Variants in KCNQ1 observed in about 807,000 individuals in gnomAD.
KCNQ1 encodes the protein potassium voltage-gated channel subfamily KQT member 1.
A neutral mutation model predicts 72.4 loss-of-function variants in KCNQ1; 49 were observed. The observed-to-expected ratio is 0.68, with a 90% confidence interval of 0.54 to 0.86. The LOEUF (loss-of-function observed/expected upper bound fraction) is 0.86, where lower values mean the gene tolerates loss of function less well. KCNQ1 is among the 40% of genes least tolerant of loss of function. KCNQ1 has a pLI of 0.00. For missense variants in KCNQ1, 790 were observed against 945.1 expected (o/e 0.84, Z 2.15); for synonymous variants, 450 against 412.6 (o/e 1.09, Z -1.10).
rs1272809837 is a variant in KCNQ1, at chr11:2,477,107, A to G, written c.386+31623A>G. On this transcript the variant is annotated intron_variant, in intron 1 of 15. Coordinates refer to ENST00000155840, the MANE Select transcript of KCNQ1 (RefSeq NM_000218.3). This position sits in a 1 kb window ranked among gnomAD's most constrained non-coding sequence, Gnocchi z 5.0. ...TCAAAATTAGGAAGAAGTGGAGACA[A>G]TCTCAGTATGTGTGAGATGAATCTG... Among the ~76,000 whole-genome samples, 1 of 152,208 alleles carries G rather than the reference A, an allele frequency of 6.6e-6. No homozygotes were observed. Among genetic ancestry groups the G allele is most frequent in the African/African-American group, 2.4e-5 (1 of 41,450 alleles).
intron 1 of KCNQ1, among the ~76,000 whole-genome samples, chr11:2,506,224 ATTGAG>A (rs1402415581): frequency 6.6e-6 from 1 of 152,096 alleles, no homozygotes; most frequent in Non-Finnish European, 1.5e-5. Context: ...TTTGACCCAT[ATTGAG>A]TTAATTTTTT....
At chr11:2,459,858 C>T (rs1201547376) in intron 1 of KCNQ1, among the ~76,000 whole-genome samples, 1 of 152,116 alleles carries the variant, frequency 6.6e-6, no homozygotes, top group African/African-American at 2.4e-5. Flanking sequence ...AAACCTGCGG[C>T]TGGGTCAGAG....
At position 2,830,223 on chromosome 11, in the gene KCNQ1, G is replaced by A. The variant is rs1445664149; in HGVS notation, c.1795-17544G>A. Among the ~76,000 whole-genome samples the A allele has an allele frequency of 6.6e-6, 1 of 152,084 alleles. No individual in the cohort carries two copies. Among genetic ancestry groups the A allele is most frequent in the Non-Finnish European group, 1.5e-5 (1 of 67,992 alleles). The stretch of plus-strand genomic sequence containing the variant: ...AGGACTGGCTGGGTGCTACGCAGGA[G>A]CCCTCTGACTAGCTGGGGCTGGGGC... On this transcript the variant is annotated intron_variant, in intron 15 of 15. Coordinates refer to ENST00000155840, the MANE Select transcript of KCNQ1 (RefSeq NM_000218.3). The surrounding 1 kb of genome is among the most constrained non-coding windows in gnomAD (Gnocchi z 7.7).
At chr11:2,836,387 G>A (rs565264568) in intron 15 of KCNQ1, among the ~76,000 whole-genome samples, 169 of 152,266 alleles carry the variant, frequency 1.1e-3, no homozygotes, top group African/African-American at 3.8e-3. Context: ...TGACGTTTCA[G>A]GCCGGAGGTA....
At chr11:2,490,855 AT>A (rs1284515797) in intron 1 of KCNQ1, among the ~76,000 whole-genome samples, 1 of 152,002 alleles carries the variant, frequency 6.6e-6, no homozygotes, top group Admixed American at 6.6e-5. Flanking sequence ...TGCCTGGCTA[AT>A]TTTTGTTTGT....
At chr11:2,837,413 AG>A (rs1848094099) in intron 15 of KCNQ1, among the ~76,000 whole-genome samples, 1 of 152,126 alleles carries the variant, frequency 6.6e-6, no homozygotes, top group South Asian at 2.1e-4. Flanking sequence ...CTCCGTTCCC[AG>A]ACACGCCCGG....
intron 1 of KCNQ1, among the ~76,000 whole-genome samples, chr11:2,525,566 C>T (rs1847484546): frequency 6.6e-6 from 1 of 152,192 alleles, no homozygotes; most frequent in Non-Finnish European, 1.5e-5. Flanking sequence ...GTGCAGAGAG[C>T]GTCCCTGGCT....
chr11:2,845,313 G>A (rs1848303766), intron 15 of KCNQ1, among the ~76,000 whole-genome samples: 1 of 152,212 alleles, frequency 6.6e-6, no homozygotes, highest in Non-Finnish European at 1.5e-5. Context: ...GGTGGGAGCT[G>A]TGGGGACAGG....
chr11:2,715,324 A>T lies in KCNQ1; in HGVS notation c.1514+53243A>T, dbSNP rs1039373033. On this transcript the variant is annotated intron_variant, in intron 11 of 15. Transcript: ENST00000155840. The surrounding 1 kb of genome is among the most constrained non-coding windows in gnomAD (Gnocchi z 4.9). ...CCTGTAAAGACCTGCGGGCTGTGTC[A>T]TGGAGGGCCCTTACCCCGGAGGAGC... Among the ~76,000 whole-genome samples, 10 of 152,104 alleles carry T rather than the reference A, an allele frequency of 6.6e-5. No homozygotes were observed. Among genetic ancestry groups the T allele is most frequent in the African/African-American group, 2.2e-4 (9 of 41,404 alleles).
intron 1 of KCNQ1, among the ~76,000 whole-genome samples, chr11:2,514,820 C>T (rs1428842412): frequency 1.3e-5 from 2 of 152,188 alleles, no homozygotes; most frequent in African/African-American, 4.8e-5. Flanking sequence ...AGCCAGACTC[C>T]GTCTCGAAAA....
chr11:2,610,687 A>G, intron 10 of KCNQ1: 1 of 381,738 alleles, frequency 2.6e-6, no homozygotes, highest in Non-Finnish European at 4.5e-6. Flanking sequence ...TTTGAAAGAA[A>G]CTTTTCTGGA....
At position 2,624,639 on chromosome 11, in the gene KCNQ1, A is replaced by G. The variant is rs1849233608; in HGVS notation, c.1393+35785A>G. On this transcript the variant is annotated intron_variant, in intron 10 of 15. Transcript: ENST00000155840. The surrounding 1 kb of genome is among the most constrained non-coding windows in gnomAD (Gnocchi z 4.9). ...TAGTGTACAATTCAGTGAATGTATT[A>G]GATACGTTCACAATGCTGTGCAATC... 4 of 398,590 alleles carry G rather than the reference A, an allele frequency of 1.0e-5. No individual in the cohort carries two copies. The highest frequency in any genetic ancestry group is 8.2e-5 in the African/African-American group (4 of 48,762). The allele number at this position is 398,590 out of a possible 1,614,324, so 24.7% of individuals were successfully genotyped here. A position where few individuals can be genotyped will look rare whatever the true frequency, so the allele number is the denominator to read the frequency against.
Position 2,610,772 on chromosome 11 carries a change from C to G in KCNQ1, c.1393+21918C>G, listed in dbSNP as rs1042577559. 35 of 343,658 alleles carry G rather than the reference C, an allele frequency of 1.0e-4. No individual in the cohort carries two copies. Among genetic ancestry groups the G allele is most frequent in the Non-Finnish European group, 1.6e-4 (33 of 201,568 alleles). 21.3% of individuals were successfully genotyped at this position (343,658 alleles called of 1,614,324 possible). A position where few individuals can be genotyped will look rare whatever the true frequency, so the allele number is the denominator to read the frequency against. On this transcript the variant is annotated intron_variant, in intron 10 of 15. Transcript: ENST00000155840. ...CTTTGAGCACTTGGGATCTGTTACC[C>G]CACTACTTTCTGGGTACCACTGTTT...
intron 6 of KCNQ1, among the ~76,000 whole-genome samples, chr11:2,574,536 C>T (rs1848391346): frequency 6.6e-6 from 1 of 152,202 alleles, no homozygotes; most frequent in African/African-American, 2.4e-5. Flanking sequence ...TGCCCCGAGT[C>T]CTCCTTCCAG....
At chr11:2,789,126 A>C (rs1475825281) in intron 15 of KCNQ1, among the ~76,000 whole-genome samples, 3 of 152,050 alleles carry the variant, frequency 2.0e-5, no homozygotes, top group Admixed American at 6.5e-5. Context: ...ACCGCAGCCC[A>C]GCTCTGCCCA....
rs1245760862 is a variant in KCNQ1 at position 2,544,634 on chromosome 11, C to A, written c.477+16616C>A. Reference sequence around the variant, plus strand: ...CAATGGTATTTCTTCTAATCTAGAACTGAAATTCATTTTGACAAATTTATC... The same window carrying A: ...CAATGGTATTTCTTCTAATCTAGAAATGAAATTCATTTTGACAAATTTATC... On this transcript the variant is annotated intron_variant, in intron 2 of 15. Transcript: ENST00000155840. The surrounding 1 kb of genome is among the most constrained non-coding windows in gnomAD (Gnocchi z 4.4). Among the ~76,000 whole-genome samples the A allele has an allele frequency of 6.6e-6, 1 of 152,114 alleles. No individual in the cohort carries two copies. Among genetic ancestry groups the A allele is most frequent in the Non-Finnish European group, 1.5e-5 (1 of 68,022 alleles).
intron 6 of KCNQ1, among the ~76,000 whole-genome samples, chr11:2,575,239 G>A (rs1297015594): frequency 1.3e-5 from 2 of 152,198 alleles, no homozygotes; most frequent in African/African-American, 4.8e-5. Context: ...CCGGGAACAC[G>A]GCCCCTTTGT....
At position 2,587,572 on chromosome 11, in the gene KCNQ1, C is replaced by T. The variant is rs763723387; in HGVS notation, c.1131C>T (p.Thr377=). The T allele has an allele frequency of 1.7e-5, 27 of 1,613,734 alleles. No homozygotes were observed. Among genetic ancestry groups the T allele is most frequent in the African/African-American group, 2.7e-5 (2 of 75,048 alleles). ...QIPAAASLIQ[T]AWRCYAAENP... Reference sequence around the variant, plus strand: ...CCTGTCCCCCTGCCCGACCTCAGACCGCATGGAGGTGCTATGCTGCCGAGA... The same window carrying T: ...CCTGTCCCCCTGCCCGACCTCAGACTGCATGGAGGTGCTATGCTGCCGAGA... The change falls in exon 9 of 16, where the codon ACC becomes ACT. Residue 377 remains threonine, a splice_region_variant and synonymous_variant. Coordinates refer to ENST00000155840, the MANE Select transcript of KCNQ1 (RefSeq NM_000218.3).
chr11:2,791,291 C>T (rs1030089997), intron 15 of KCNQ1, among the ~76,000 whole-genome samples: 1 of 152,182 alleles, frequency 6.6e-6, no homozygotes, highest in Non-Finnish European at 1.5e-5. Flanking sequence ...GCATCAATTG[C>T]GGGAGTCCGG....
Sources: allele counts gnomAD v4.1 joint callset (sites outside exome capture counted in the v4.1 genomes callset), GRCh38; gene constraint gnomAD v4.1.1; non-coding constraint Gnocchi (gnomAD v3.1); transcripts MANE v1.5; gene names NCBI Gene and HGNC (gene_info 2026-07-23, HGNC 2026-07-21).